Variants in APC2 observed in about 807,000 individuals in gnomAD.
The protein encoded by APC2 is adenomatous polyposis coli protein 2.
A neutral mutation model predicts 72.5 loss-of-function variants in APC2; 41 were observed. The ratio of observed to expected loss-of-function variants is 0.57; its 90% CI spans 0.44 to 0.73. The LOEUF (loss-of-function observed/expected upper bound fraction) is 0.73. Among genes scored for constraint, APC2 ranks in the 30% least tolerant of loss-of-function variants. The pLI is 0.00. For synonymous variants in APC2, 1,898 were observed against 1,612.0 expected, an observed-to-expected ratio of 1.18 and a Z score of -4.25; for missense variants, 3,729 against 3,403.4, an observed-to-expected ratio of 1.10 and a Z score of -2.38.
intron 7 of APC2, 71 bp downstream of exon 7, chr19:1,456,224 G>T: frequency 5.2e-6 from 8 of 1,549,416 alleles, no homozygotes; most frequent in Non-Finnish European, 6.1e-6. Context: ...CTCGAGTTCT[G>T]CCCGCCCCCG....
Position 1,471,713 on chromosome 19 carries a change from G to A in APC2, c.*1500G>A, listed in dbSNP as rs532045051. 1 of 152,452 alleles carries A rather than the reference G, an allele frequency of 6.6e-6. No homozygotes were observed. Among genetic ancestry groups the A allele is most frequent in the South Asian group, 2.1e-4 (1 of 4,834 alleles). 9.4% of individuals were successfully genotyped at this position (152,452 alleles called of 1,614,324 possible). ...GAACGAAGCAGGGTTTGAGGGTTGG[G>A]TGGATGGAGCTCAGAAGGAAACCCC... is the stretch of plus-strand genomic sequence containing the variant. On this transcript the variant is annotated 3_prime_UTR_variant, in exon 15 of 15. Transcript: ENST00000590469.
At position 1,467,926 on chromosome 19, in the gene APC2, C is replaced by A. The variant is rs558378698; in HGVS notation, c.4625C>A (p.Pro1542Gln). ...AIPRAFTRER[P>Q]QGRKEAPAPS... ...CCTCGCGCTTTTACGCGGGAGCGTC[C>A]GCAGGGCCGGAAGGAGGCCCCTGCC... Residue 1542 changes from proline (P) to glutamine (Q), a missense_variant, in exon 15 of 15, where the codon CCG becomes CAG. Pro to Gln is a moderately conservative substitution (Grantham distance 76, BLOSUM62 -1). Transcript: ENST00000590469. 7 of 1,585,078 alleles carry A rather than the reference C, an allele frequency of 4.4e-6. No individual in the cohort carries two copies. Among genetic ancestry groups the A allele is most frequent in the African/African-American group, 2.7e-5 (2 of 73,182 alleles).
chr19:1,456,475 G>A, intron 8 of APC2, 71 bp downstream of exon 8: 1 of 1,417,552 alleles, frequency 7.1e-7, no homozygotes, highest in Non-Finnish European at 9.5e-7. Context: ...CTGCATCCTC[G>A]CCAGTGGTGG....
intron 13 of APC2, 138 bp from the exon 14 acceptor site, chr19:1,461,825 C>G: frequency 1.4e-6 from 1 of 713,196 alleles, no homozygotes. Flanking sequence ...GCACTCCAGC[C>G]TGGGGGAGAG....
At position 1,460,869 on chromosome 19, in the gene APC2, G is replaced by A. The variant is rs2083911780; in HGVS notation, c.1521+12G>A. ...AGGAGCTCCACCAGGTACAGGGCGG[G>A]GTGCTGGGAAAGCCTTCCAGGGTGT... is the stretch of plus-strand genomic sequence containing the variant. On this transcript the variant is annotated intron_variant, in intron 12 of 14. Transcript: ENST00000590469. The A allele has an allele frequency of 1.9e-6, 3 of 1,613,030 alleles. No individual in the cohort carries two copies. The highest frequency in any genetic ancestry group is 2.5e-6 in the Non-Finnish European group (3 of 1,179,868).
rs1437371397 is a variant in APC2, at chr19:1,465,954, C to A, written c.2653C>A (p.Arg885=). Reference sequence around the variant, plus strand: ...TGGAGACCCGGGACAGGAGGCGCCACGGGAGGGCCGCGCCCAGTCCTGCTC... The same window carrying A: ...TGGAGACCCGGGACAGGAGGCGCCAAGGGAGGGCCGCGCCCAGTCCTGCTC... ...SSGDPGQEAP[R]EGRAQSCSPC... is the part of the protein sequence containing the mutation. Residue 885 remains arginine (R), a synonymous_variant, in exon 15 of 15, where the codon CGG becomes AGG. Transcript: ENST00000590469. 3 of 1,575,636 alleles carry A rather than the reference C, an allele frequency of 1.9e-6. No homozygotes were observed. Among genetic ancestry groups the A allele is most frequent in the Non-Finnish European group, 8.6e-7 (1 of 1,167,242 alleles).
chr19:1,455,332 G>T, intron 5 of APC2, 52 bp from the exon 6 acceptor site: 13 of 1,591,738 alleles, frequency 8.2e-6, no homozygotes, highest in Non-Finnish European at 1.0e-5. Context: ...GGGGAGGAAC[G>T]GGGCCTGGCC....
chr19:1,462,250 T>G, intron 14 of APC2, 73 bp downstream of exon 14: 1 of 1,390,330 alleles, frequency 7.2e-7, no homozygotes, highest in Admixed American at 2.2e-5. Context: ...CTGGGCACTG[T>G]CCTCCCGTGA....
chr19:1,465,811 C>T lies in APC2; in HGVS notation c.2510C>T (p.Ala837Val). ...GCAGAGAAGGACACCAGTGGGGAGG[C>T]AGCCGTGGCGGCCAAGGCCAAGGCC... ...KEAEKDTSGE[A>V]AVAAKAKAKL... Residue 837 changes from alanine (A) to valine (V), a missense_variant, in exon 15 of 15, where the codon GCA (alanine) becomes GTA (valine). Transcript: ENST00000590469. 1 of 1,581,596 alleles carries T rather than the reference C, an allele frequency of 6.3e-7. No individual in the cohort carries two copies. The highest frequency in any genetic ancestry group is 8.6e-7 in the Non-Finnish European group (1 of 1,165,780).
Position 1,456,893 on chromosome 19 carries a change from G to T in APC2, c.857G>T (p.Arg286Leu). The change falls in exon 9 of 15, where the codon CGC (arginine) becomes CTC (leucine). Residue 286 changes from arginine to leucine, a missense_variant. Coordinates refer to ENST00000590469, the MANE Select transcript of APC2 (RefSeq NM_005883.3). ...TGGCTGTTGTCCATGTTGGCGACGC[G>T]CGACCAGGAGGATACAGCGCGCACG... ...VFWLLSMLATRDQEDTARTLL... is the reference protein window; with the variant it reads ...VFWLLSMLATLDQEDTARTLL... 6.3e-7 allele frequency: 1 copy of T among 1,590,624 alleles called. No homozygotes were observed. The highest frequency in any genetic ancestry group is 8.5e-7 in the Non-Finnish European group (1 of 1,175,334).
At position 1,469,820 on chromosome 19, in the gene APC2, G is replaced by A; in HGVS notation, c.6519G>A (p.Thr2173=). 1.3e-6 allele frequency: 2 copies of A among 1,519,272 alleles called. No individual in the cohort carries two copies. Among genetic ancestry groups the A allele is most frequent in the Non-Finnish European group, 1.8e-6 (2 of 1,140,772 alleles). 94.1% of individuals were successfully genotyped at this position (1,519,272 alleles called of 1,614,324 possible). A position where few individuals can be genotyped will look rare whatever the true frequency, so the allele number is the denominator to read the frequency against. Residue 2173 remains threonine, a synonymous_variant, in exon 15 of 15, where the codon ACG becomes ACA. Coordinates refer to ENST00000590469, the MANE Select transcript of APC2 (RefSeq NM_005883.3). ...PATALPLRGS[T]PEDAPAGPPP... is the part of the protein sequence containing the mutation. Reference sequence around the variant, plus strand: ...CGGCCCTGCCACTGCGGGGCTCCACGCCCGAGGACGCCCCGGCCGGGCCCC... The same window carrying A: ...CGGCCCTGCCACTGCGGGGCTCCACACCCGAGGACGCCCCGGCCGGGCCCC...
At chr19:1,456,692 C>T (rs2083833072) in intron 8 of APC2, among the ~76,000 whole-genome samples, 161 bp from the exon 9 acceptor site, 1 of 152,086 alleles carries the variant, frequency 6.6e-6, no homozygotes, top group African/African-American at 2.4e-5. Flanking sequence ...GGCCAGCCTC[C>T]CCGAAGCACG....
rs2084040048 is a variant in APC2 at position 1,467,495 on chromosome 19, C to A, written c.4194C>A (p.Val1398=). Residue 1398 remains valine (V), a synonymous_variant, in exon 15 of 15, where the codon GTC becomes GTA. Coordinates refer to ENST00000590469, the MANE Select transcript of APC2 (RefSeq NM_005883.3). ...SCTDSAEGTP[V]NFSSAASLSD... Reference sequence around the variant, plus strand: ...CTGACTCCGCGGAGGGCACGCCGGTCAACTTCTCTAGCGCCGCCTCGCTCA... The same window carrying A: ...CTGACTCCGCGGAGGGCACGCCGGTAAACTTCTCTAGCGCCGCCTCGCTCA... 1 of 1,458,856 alleles carries A rather than the reference C, an allele frequency of 6.9e-7. No individual in the cohort carries two copies. The highest frequency in any genetic ancestry group is 2.8e-5 in the East Asian group (1 of 35,848). The allele number at this position is 1,458,856 out of a possible 1,614,324, so 90.4% of individuals were successfully genotyped here.
In APC2 at chr19:1,470,357, C is replaced by T; in HGVS notation, c.*144C>T. 1 of 1,202,328 alleles carries T rather than the reference C, an allele frequency of 8.3e-7. No individual in the cohort carries two copies. Among genetic ancestry groups the T allele is most frequent in the African/African-American group, 1.6e-5 (1 of 62,048 alleles). The allele number at this position is 1,202,328 out of a possible 1,614,324, so 74.5% of individuals were successfully genotyped here. A position where few individuals can be genotyped will look rare whatever the true frequency, so the allele number is the denominator to read the frequency against. On this transcript the variant is annotated 3_prime_UTR_variant, in exon 15 of 15. Coordinates refer to ENST00000590469, the MANE Select transcript of APC2 (RefSeq NM_005883.3). ...GCCCCACCACTCTCAGAACCCCCGC[C>T]CAGCGCACGGCGACCTCGCGCCTCA...
intron 6 of APC2, 70 bp from the exon 7 acceptor site, chr19:1,456,006 C>T: frequency 2.8e-6 from 4 of 1,442,592 alleles, no homozygotes; most frequent in Non-Finnish European, 3.7e-6. Flanking sequence ...GGGGTCATCC[C>T]AGGGAGAGGC....
intron 10 of APC2, among the ~76,000 whole-genome samples, chr19:1,459,280 C>T (rs2083887868): frequency 6.6e-6 from 1 of 152,046 alleles, no homozygotes; most frequent in South Asian, 2.1e-4. Context: ...TCTCGGCTCA[C>T]TGCAACCTCT....
chr19:1,468,103 G>A lies in APC2; in HGVS notation c.4802G>A (p.Gly1601Asp). ...PSEPPAVHPRGREPAVTKDPG... is the reference protein window; with the variant it reads ...PSEPPAVHPRDREPAVTKDPG... ...GAGCCGCCGGCCGTCCATCCACGAG[G>A]CCGGGAGCCCGCGGTCACCAAGGAC... Residue 1601 changes from glycine (G) to aspartate (D), a missense_variant, in exon 15 of 15, where the codon GGC becomes GAC. Transcript: ENST00000590469. 1 of 1,529,032 alleles carries A rather than the reference G, an allele frequency of 6.5e-7. No homozygotes were observed. Among genetic ancestry groups the A allele is most frequent in the Non-Finnish European group, 8.7e-7 (1 of 1,146,446 alleles). 94.7% of individuals were successfully genotyped at this position (1,529,032 alleles called of 1,614,324 possible).
chr19:1,453,495 G>A lies in APC2; in HGVS notation c.297G>A (p.Glu99=), dbSNP rs773849156. The change falls in exon 4 of 15, where the codon GAG becomes GAA. Residue 99 remains glutamate (E), a synonymous_variant. Coordinates refer to ENST00000590469, the MANE Select transcript of APC2 (RefSeq NM_005883.3). ...LKFQPPTLGP[E]PAARTPEGSP... ...TCCAGCCGCCCACCCTGGGCCCGGA[G>A]CCTGCCGCCCGGACCCCCGAGGGCA... 7 of 1,606,408 alleles carry A rather than the reference G, an allele frequency of 4.4e-6. No homozygotes were observed. Among genetic ancestry groups the A allele is most frequent in the Admixed American group, 3.4e-5 (2 of 59,576 alleles).
rs764084952 is a variant in APC2 at position 1,462,073 on chromosome 19, C to T, written c.1749C>T (p.Ser583=). Residue 583 remains serine (S), a synonymous_variant, in exon 14 of 15, where the codon AGC becomes AGT. Transcript: ENST00000590469. ...ATGGCGCCCTGGGCTTCCTGGTGAG[C>T]ACCCTGACCTACAAGTGTCAGAGCA... ...QVDGALGFLV[S]TLTYKCQSNS... 3.1e-6 allele frequency: 5 copies of T among 1,612,974 alleles called. No homozygotes were observed. In the African/African-American group the frequency reaches 4.0e-5, roughly 13 times the overall value.
Sources: gnomAD v4.1 joint callset for allele counts (sites outside exome capture counted in the v4.1 genomes callset) on GRCh38, gnomAD v4.1.1 for gene constraint, MANE v1.5 for transcripts, NCBI Gene and HGNC (gene_info 2026-07-23, HGNC 2026-07-21) for gene names.